The following GSG1L variants were observed in gnomAD, a reference collection of about 807,000 sequenced individuals.
GSG1L encodes germ cell-specific gene 1-like protein.
Under a neutral mutation model 42.1 loss-of-function variants are expected in GSG1L, and 24 were observed. The ratio of observed to expected loss-of-function variants is 0.57; its 90% CI spans 0.41 to 0.80. GSG1L has a LOEUF of 0.80. GSG1L is among the 30% of genes least tolerant of loss of function. The pLI is 0.00. For missense variants in GSG1L, 445 were observed against 472.2 expected (o/e 0.94, Z 0.53); for synonymous variants, 215 against 203.5 (o/e 1.06, Z -0.48).
At chr16:27,850,663 G>A (rs894356660) in intron 3 of GSG1L, 1 of 447,458 alleles carries the variant, frequency 2.2e-6, no homozygotes, top group Non-Finnish European at 4.5e-6. Flanking sequence ...AAATGATAGA[G>A]AAAGCTTTCA....
intron 5 of GSG1L, among the ~76,000 whole-genome samples, chr16:27,815,187 T>A (rs2083081394): frequency 6.6e-6 from 1 of 152,218 alleles, no homozygotes; most frequent in Non-Finnish European, 1.5e-5. Flanking sequence ...TGCTGAAACG[T>A]GATCCCCAAT....
At chr16:27,942,150 T>C (rs947269556) in intron 2 of GSG1L, among the ~76,000 whole-genome samples, 14 of 135,844 alleles carry the variant, frequency 1.0e-4, no homozygotes, top group Admixed American at 2.8e-4. Flanking sequence ...ACTTCTTCTT[T>C]TTTTTTTTTT....
chr16:28,001,834 T>C (rs1304126084), intron 1 of GSG1L, among the ~76,000 whole-genome samples: 1 of 152,154 alleles, frequency 6.6e-6, no homozygotes, highest in African/African-American at 2.4e-5. Context: ...CGATCACCAC[T>C]CCGTGCAGCC....
chr16:27,816,828 G>A (rs559785512), intron 5 of GSG1L, among the ~76,000 whole-genome samples: 156 of 152,238 alleles, frequency 1.0e-3, no homozygotes, highest in African/African-American at 3.6e-3. Flanking sequence ...GTACCCTGCC[G>A]ACTCCCAGCA....
chr16:28,053,361 GTAT>G (rs1596735350), intron 1 of GSG1L, among the ~76,000 whole-genome samples: 2 of 152,188 alleles, frequency 1.3e-5, no homozygotes, highest in East Asian at 1.9e-4. Context: ...TATTATTAGC[GTAT>G]TATTATTATT....
At chr16:28,049,101 C>T (rs1463642139) in intron 1 of GSG1L, among the ~76,000 whole-genome samples, 1 of 152,108 alleles carries the variant, frequency 6.6e-6, no homozygotes, top group Non-Finnish European at 1.5e-5. Flanking sequence ...GCAATTTTTA[C>T]AGGGCCCATA....
intron 6 of GSG1L, among the ~76,000 whole-genome samples, chr16:27,802,118 G>A (rs756107838): frequency 6.6e-6 from 1 of 151,896 alleles, no homozygotes; most frequent in Non-Finnish European, 1.5e-5. Flanking sequence ...CTGCTATCCC[G>A]CACCCTGCAT....
intron 1 of GSG1L, among the ~76,000 whole-genome samples, chr16:27,968,701 C>T (rs1238919997): frequency 6.6e-6 from 1 of 152,228 alleles, no homozygotes; most frequent in Non-Finnish European, 1.5e-5. Flanking sequence ...TCCCAGCTCT[C>T]ACCACCAACT....
Position 27,861,792 on chromosome 16 carries a change from C to T in GSG1L, c.551-16731G>A, listed in dbSNP as rs146050562. Among the ~76,000 whole-genome samples the T allele has an allele frequency of 4.2e-3, 638 of 152,272 alleles. 2 individuals carry two copies. The highest frequency in any genetic ancestry group is 0.012 in the African/African-American group (486 of 41,564). ...GAGCCATTCTTCCCCCAGACACCCA[C>T]GTCTTGTTATTTGTTACTATCTCAG... On this transcript the variant is annotated intron_variant, in intron 3 of 6. Coordinates refer to ENST00000447459, the MANE Select transcript of GSG1L (RefSeq NM_001109763.2).
chr16:27,875,910 G>A (rs989786139), intron 3 of GSG1L, among the ~76,000 whole-genome samples: 18 of 152,146 alleles, frequency 1.2e-4, no homozygotes, highest in Non-Finnish European at 5.9e-5. Flanking sequence ...CACAGAAGAA[G>A]GCAGAGTTTA....
At chr16:27,853,301 C>T (rs1442702796) in intron 3 of GSG1L, among the ~76,000 whole-genome samples, 1 of 152,222 alleles carries the variant, frequency 6.6e-6, no homozygotes, top group Non-Finnish European at 1.5e-5. Context: ...TGAGCTGATG[C>T]TATGTTTAAA....
At chr16:28,051,833 A>C (rs1034571164) in intron 1 of GSG1L, among the ~76,000 whole-genome samples, 46 of 152,266 alleles carry the variant, frequency 3.0e-4, no homozygotes, top group African/African-American at 1.1e-3. Context: ...CTTTACCAGG[A>C]ATGACATGGG....
intron 2 of GSG1L, among the ~76,000 whole-genome samples, chr16:27,893,225 A>G (rs952122893): frequency 3.3e-5 from 5 of 152,158 alleles, no homozygotes; most frequent in Admixed American, 3.3e-4. Flanking sequence ...TTGCCTTTTT[A>G]AAAAACAGCT....
At chr16:27,935,026 G>C (rs147516796) in intron 2 of GSG1L, among the ~76,000 whole-genome samples, 1 of 152,216 alleles carries the variant, frequency 6.6e-6, no homozygotes, top group East Asian at 1.9e-4. Context: ...CGCATAAAAC[G>C]AGATCATTTC....
intron 3 of GSG1L, among the ~76,000 whole-genome samples, chr16:27,875,247 C>A (rs1315413710): frequency 2.0e-5 from 3 of 152,260 alleles, no homozygotes; most frequent in Admixed American, 1.3e-4. Flanking sequence ...AGTTGGTGAG[C>A]AAATATCACT....
intron 1 of GSG1L, among the ~76,000 whole-genome samples, chr16:27,984,252 T>G (rs1402932403): frequency 6.6e-6 from 1 of 152,112 alleles, no homozygotes; most frequent in African/African-American, 2.4e-5. Flanking sequence ...CCTTGGACCT[T>G]GGAGGTGGGT....
intron 2 of GSG1L, among the ~76,000 whole-genome samples, chr16:27,916,940 C>T (rs938590483): frequency 2.0e-5 from 3 of 151,760 alleles, no homozygotes; most frequent in African/African-American, 7.3e-5. Context: ...GGCAAGATGT[C>T]TATGAGGAGG....
intron 1 of GSG1L, among the ~76,000 whole-genome samples, chr16:28,024,126 G>C (rs769284054): frequency 1.3e-5 from 2 of 152,158 alleles, no homozygotes; most frequent in Admixed American, 1.3e-4. Flanking sequence ...CAAGATACGA[G>C]GTTTTGCTCC....
At chr16:28,028,585 G>A (rs112854694) in intron 1 of GSG1L, among the ~76,000 whole-genome samples, 2,940 of 152,102 alleles carry the variant, frequency 0.019, 107 homozygotes, top group African/African-American at 0.067. Context: ...TTCTGCTTCA[G>A]AGTCCCAGCT....
Sources: gnomAD v4.1 joint callset for allele counts (sites outside exome capture counted in the v4.1 genomes callset) on GRCh38, gnomAD v4.1.1 for gene constraint, MANE v1.5 for transcripts, NCBI Gene and HGNC (gene_info 2026-07-23, HGNC 2026-07-21) for gene names.